RYR3: variants seen among roughly 807,000 people sequenced by gnomAD.
The protein encoded by RYR3 is ryanodine receptor 3.
A neutral mutation model predicts 584.3 loss-of-function variants in RYR3; 207 were observed. That is an observed-to-expected ratio of 0.35 (90% CI 0.32 to 0.40). RYR3 has a LOEUF of 0.40. RYR3 is among the 10% of genes least tolerant of loss of function. The pLI is 1.00. For missense variants in RYR3, 5,616 were observed against 6,089.2 expected, an observed-to-expected ratio of 0.92 and a Z score of 2.59; for synonymous variants, 2,416 against 2,248.5, an observed-to-expected ratio of 1.07 and a Z score of -2.11.
Position 33,647,467 on chromosome 15 carries a change from A to G in RYR3, c.3978+7A>G. On this transcript the variant is annotated splice_region_variant and intron_variant, in intron 30 of 103. Coordinates refer to ENST00000634891, the MANE Select transcript of RYR3 (RefSeq NM_001036.6). ...ACTCTCTCATACAACAACAGTAAGT[A>G]AATGTGCTCAATTATGGTTTTAATT... 1 of 1,589,258 alleles carries G rather than the reference A, an allele frequency of 6.3e-7. No homozygotes were observed. The highest frequency in any genetic ancestry group is 8.6e-7 in the Non-Finnish European group (1 of 1,157,632).
chr15:33,659,738 G>A lies in RYR3; in HGVS notation c.4327G>A (p.Val1443Met), dbSNP rs2063034620. The change falls in exon 33 of 104, where the codon GTG (valine) becomes ATG (methionine). Residue 1443 changes from valine (V) to methionine (M), a missense_variant. Val to Met is a conservative substitution (Grantham distance 21, BLOSUM62 1). Around this residue, in one of 9 missense-constraint regions of RYR3, gnomAD observed 753 missense variants for 741.0 expected, o/e 1.02. Transcript: ENST00000634891. ...TTTCCAGGTGGAGCCTAATACCAAA[G>A]TGTTTCCAGCAGTCTTCCTGCAGCC... is the stretch of plus-strand genomic sequence containing the variant. The part of the protein sequence containing the change: ...TCYQVEPNTK[V>M]FPAVFLQPTS... The A allele has an allele frequency of 6.2e-7, 1 of 1,612,162 alleles. No homozygotes were observed. Among genetic ancestry groups the A allele is most frequent in the Non-Finnish European group, 8.5e-7 (1 of 1,178,252 alleles).
At chr15:33,426,656 G>A (rs1001106119) in intron 1 of RYR3, among the ~76,000 whole-genome samples, 10 of 152,226 alleles carry the variant, frequency 6.6e-5, no homozygotes, top group Non-Finnish European at 1.5e-4. Flanking sequence ...GAGGCTGGTA[G>A]TTAAGTATAT....
chr15:33,738,865 TC>T (rs1230426590), intron 50 of RYR3, among the ~76,000 whole-genome samples: 1 of 152,304 alleles, frequency 6.6e-6, no homozygotes, highest in Admixed American at 6.5e-5. Context: ...TCCACACAGA[TC>T]ATCTGATGTC....
intron 1 of RYR3, among the ~76,000 whole-genome samples, chr15:33,312,965 C>T (rs1287127379): frequency 1.3e-5 from 2 of 152,206 alleles, no homozygotes; most frequent in African/African-American, 4.8e-5. Flanking sequence ...TCAGAGCTGG[C>T]AGACCTCTTT....
chr15:33,594,815 T>C (rs990875333), intron 16 of RYR3, among the ~76,000 whole-genome samples: 29 of 152,206 alleles, frequency 1.9e-4, no homozygotes, highest in Non-Finnish European at 3.1e-4. Flanking sequence ...GACAAGGAAA[T>C]TTGTTACCTC....
At chr15:33,639,020 C>G (rs2061653887) in intron 27 of RYR3, among the ~76,000 whole-genome samples, 1 of 152,120 alleles carries the variant, frequency 6.6e-6, no homozygotes. Flanking sequence ...CCTTTTCGTT[C>G]AAGAAACTAT....
chr15:33,356,833 T>C (rs994525809), intron 1 of RYR3, among the ~76,000 whole-genome samples: 8 of 152,206 alleles, frequency 5.3e-5, no homozygotes, highest in African/African-American at 1.7e-4. Context: ...ATGTGGCATA[T>C]AGTAAGAATC....
chr15:33,401,400 C>T (rs1326028173), intron 1 of RYR3, among the ~76,000 whole-genome samples: 1 of 152,190 alleles, frequency 6.6e-6, no homozygotes, highest in Non-Finnish European at 1.5e-5. Context: ...CTGTATAGTG[C>T]ATGAATTTAA....
chr15:33,440,047 G>A (rs1316409926), intron 1 of RYR3, among the ~76,000 whole-genome samples: 1 of 152,146 alleles, frequency 6.6e-6, no homozygotes, highest in Non-Finnish European at 1.5e-5. Context: ...CAGCACTTTG[G>A]GAGGCCAAGC....
rs752851214 is a variant in RYR3, at chr15:33,810,935, C to A, written c.10198-43C>A. On this transcript the variant is annotated intron_variant, in intron 71 of 103. Transcript: ENST00000634891. ...ATCCCCATATGCTACTTGACAGTTCCATGGTGATCTCCGGGAATAAAATCT... is the reference window on the plus strand; with the variant it reads ...ATCCCCATATGCTACTTGACAGTTCAATGGTGATCTCCGGGAATAAAATCT... 4.6e-6 allele frequency: 7 copies of A among 1,532,676 alleles called. No individual in the cohort carries two copies. In the East Asian group the frequency reaches 1.6e-4, roughly 36 times the overall value. The allele number at this position is 1,532,676 out of a possible 1,614,324, so 94.9% of individuals were successfully genotyped here.
rs41279200 is a variant in RYR3 at position 33,530,541 on chromosome 15, G to A, written c.280-51G>A. The A allele has an allele frequency of 0.095, 122,686 of 1,293,856 alleles. 6,410 individuals are homozygous for A. The highest frequency in any genetic ancestry group is 0.16 in the Middle Eastern group (865 of 5,496). The allele number at this position is 1,293,856 out of a possible 1,614,324, so 80.1% of individuals were successfully genotyped here. On this transcript the variant is annotated intron_variant, in intron 3 of 103. Transcript: ENST00000634891. Reference sequence around the variant, plus strand: ...AGAATTATTGTGTTGCTTGGCTCCCGGAGAAGCCACAACGGGCATGTGCTG... The same window carrying A: ...AGAATTATTGTGTTGCTTGGCTCCCAGAGAAGCCACAACGGGCATGTGCTG...
chr15:33,510,368 C>T (rs1237478312), intron 3 of RYR3, among the ~76,000 whole-genome samples: 1 of 152,228 alleles, frequency 6.6e-6, no homozygotes. Context: ...AAAGTGTCAT[C>T]ACGTCACTTC....
chr15:33,764,808 G>A (rs1405272167), intron 60 of RYR3, among the ~76,000 whole-genome samples: 2 of 152,056 alleles, frequency 1.3e-5, no homozygotes, highest in East Asian at 1.9e-4. Context: ...CAGGGCAGGC[G>A]GATCACAAGG....
intron 23 of RYR3, 103 bp downstream of exon 23, chr15:33,631,396 AG>A (rs2152632035): frequency 1.4e-6 from 1 of 716,052 alleles, no homozygotes; most frequent in East Asian, 2.8e-5. Flanking sequence ...CATAGTTGCT[AG>A]CACCAGCTCA....
chr15:33,732,990 G>T, intron 48 of RYR3, among the ~76,000 whole-genome samples: 1 of 152,152 alleles, frequency 6.6e-6, no homozygotes, highest in East Asian at 1.9e-4. Context: ...AAACTCATCG[G>T]TCCTCACATC....
At chr15:33,473,057 T>C (rs539325222) in intron 1 of RYR3, among the ~76,000 whole-genome samples, 1 of 152,336 alleles carries the variant, frequency 6.6e-6, no homozygotes, top group South Asian at 2.1e-4. Flanking sequence ...TCCTATCTTA[T>C]TGTTTTATTC....
Position 33,613,168 on chromosome 15 carries a change from T to C in RYR3, c.2165-15T>C. 3 of 1,609,506 alleles carry C rather than the reference T, an allele frequency of 1.9e-6. No homozygotes were observed. Among genetic ancestry groups the C allele is most frequent in the African/African-American group, 1.3e-5 (1 of 74,948 alleles). On this transcript the variant is annotated splice_polypyrimidine_tract_variant and intron_variant, in intron 18 of 103. Coordinates refer to ENST00000634891, the MANE Select transcript of RYR3 (RefSeq NM_001036.6). ...CCAGAGTTCCACAGCCTTCTTCCTGTTCTTTCCTCACCAGGCCGGATACCC... is the reference window on the plus strand; with the variant it reads ...CCAGAGTTCCACAGCCTTCTTCCTGCTCTTTCCTCACCAGGCCGGATACCC...
chr15:33,859,513 A>G, intron 99 of RYR3, 62 bp from the exon 100 acceptor site: 1 of 1,575,572 alleles, frequency 6.3e-7, no homozygotes, highest in Non-Finnish European at 8.7e-7. Context: ...GAATGATCTG[A>G]GCATCTTGCT....
At chr15:33,350,137 A>G (rs988517588) in intron 1 of RYR3, among the ~76,000 whole-genome samples, 24 of 152,094 alleles carry the variant, frequency 1.6e-4, no homozygotes, top group African/African-American at 5.8e-4. Flanking sequence ...GTCAAATGGT[A>G]TTTTTAGTTC....
Sources: allele counts gnomAD v4.1 joint callset (sites outside exome capture counted in the v4.1 genomes callset), GRCh38; gene constraint gnomAD v4.1.1; regional missense constraint gnomAD v4.1.1; transcripts MANE v1.5; gene names NCBI Gene and HGNC (gene_info 2026-07-23, HGNC 2026-07-21).